The following JAK1 variants were observed in gnomAD, a reference collection of about 807,000 sequenced individuals.
The protein encoded by JAK1 is Janus kinase 1, also known as tyrosine-protein kinase JAK1.
JAK1 carries 16 observed loss-of-function variants against 136.6 expected under a neutral mutation model. The ratio of observed to expected loss-of-function variants is 0.12; its 90% CI spans 0.08 to 0.18. The LOEUF (loss-of-function observed/expected upper bound fraction) is 0.18, where lower values mean the gene tolerates loss of function less well. Ranked by LOEUF, JAK1 falls within the 10% of genes least tolerant of loss-of-function variation. The pLI, the probability that JAK1 is intolerant of heterozygous loss-of-function variation, is 1.00. For missense variants in JAK1, 859 were observed against 1,450.1 expected (o/e 0.59, Z 6.62); for synonymous variants, 492 against 519.5 (o/e 0.95, Z 0.72).
upstream of JAK1, among the ~76,000 whole-genome samples, chr1:64,969,975 A>C (rs1646435572): frequency 6.6e-6 from 1 of 151,836 alleles, no homozygotes; most frequent in South Asian, 2.1e-4. Context: ...GTATCTACAA[A>C]AAATACAAAA....
intron 13 of JAK1, 142 bp from the exon 14 acceptor site, chr1:64,846,878 C>A: frequency 7.8e-6 from 5 of 642,528 alleles, no homozygotes; most frequent in East Asian, 2.7e-5. Context: ...AATCCTCTGG[C>A]CTTGGCTGTC....
intron 1 of JAK1, among the ~76,000 whole-genome samples, chr1:64,958,385 G>A (rs1290493235): frequency 1.3e-5 from 2 of 152,174 alleles, no homozygotes; most frequent in African/African-American, 4.8e-5. Context: ...AAGATAACCC[G>A]TATACTGTGA....
At chr1:64,949,893 A>G (rs1465439471) in intron 1 of JAK1, among the ~76,000 whole-genome samples, 1 of 152,246 alleles carries the variant, frequency 6.6e-6, no homozygotes, top group East Asian at 1.9e-4. Flanking sequence ...AGCTTATTCT[A>G]TCATAGATTA....
At chr1:64,976,160 G>A (rs1445963993) in intron 2 of JAK1, among the ~76,000 whole-genome samples, 1 of 152,120 alleles carries the variant, frequency 6.6e-6, no homozygotes, top group East Asian at 1.9e-4. Context: ...GCCATATAGA[G>A]GTCTCTGATT....
intron 1 of JAK1, among the ~76,000 whole-genome samples, chr1:64,948,703 T>C (rs1646030106): frequency 1.3e-5 from 2 of 152,204 alleles, no homozygotes; most frequent in South Asian, 4.1e-4. Flanking sequence ...GAAGACTCTA[T>C]TTTTTGTGGA....
chr1:64,850,748 C>T, intron 12 of JAK1, 56 bp downstream of exon 12: 1 of 1,160,442 alleles, frequency 8.6e-7, no homozygotes. Flanking sequence ...CCCCAAGCTG[C>T]TCCATCGTGG....
At chr1:65,049,438 C>CA (rs1449542091) in intron 1 of JAK1, among the ~76,000 whole-genome samples, 1 of 151,954 alleles carries the variant, frequency 6.6e-6, no homozygotes, top group African/African-American at 2.4e-5. Context: ...ACAACAATGA[C>CA]AAAAAACACA....
chr1:64,861,457 T>C (rs1008847305), intron 8 of JAK1, among the ~76,000 whole-genome samples: 35 of 152,116 alleles, frequency 2.3e-4, no homozygotes, highest in African/African-American at 8.5e-4. Flanking sequence ...TGATCATTGA[T>C]CCCTGAAGAG....
At chr1:64,974,316 TTAAGG>T (rs1646479766) in intron 2 of JAK1, 1 of 152,216 alleles carries the variant, frequency 6.6e-6, no homozygotes, top group African/African-American at 2.4e-5. Context: ...AGATGAGTAG[TTAAGG>T]TAACTTTGGA....
intron 1 of JAK1, among the ~76,000 whole-genome samples, chr1:64,962,161 G>A (rs1254337153): frequency 1.3e-5 from 2 of 152,136 alleles, no homozygotes; most frequent in African/African-American, 4.8e-5. Flanking sequence ...AATTCCACAC[G>A]AGGACAGATT....
At chr1:64,963,493 C>G (rs1439853159) in intron 1 of JAK1, among the ~76,000 whole-genome samples, 2 of 151,998 alleles carry the variant, frequency 1.3e-5, no homozygotes, top group African/African-American at 4.8e-5. Context: ...AAATGAATAA[C>G]AAAGAATTCG....
chr1:64,879,108 G>C lies in JAK1; in HGVS notation c.246C>G (p.Asp82Glu), dbSNP rs374624103. The stretch of plus-strand genomic sequence containing the variant: ...GAGCATACCAGAGCTTGGTGTTCTC[G>C]TCATACAGGGCAAAGAGGTTGTGAC... ...PLCHNLFALYDENTKLWYAPN... is the reference protein window; with the variant it reads ...PLCHNLFALYEENTKLWYAPN... The change falls in exon 4 of 25, where the codon GAC becomes GAG. Residue 82 changes from aspartate to glutamate, a missense_variant. By Grantham distance (45) the Asp-to-Glu change is conservative. Coordinates refer to ENST00000342505, the MANE Select transcript of JAK1 (RefSeq NM_002227.4). The C allele has an allele frequency of 1.2e-6, 2 of 1,613,818 alleles. No homozygotes were observed. The highest frequency in any genetic ancestry group is 1.7e-6 in the Non-Finnish European group (2 of 1,179,858).
chr1:64,878,273 A>G (rs1164041529), intron 4 of JAK1, among the ~76,000 whole-genome samples: 1 of 152,182 alleles, frequency 6.6e-6, no homozygotes, highest in East Asian at 1.9e-4. Context: ...TACTGAACAA[A>G]TATGTTTACA....
intron 1 of JAK1, among the ~76,000 whole-genome samples, chr1:65,048,865 GAGGA>G (rs1208201681): frequency 6.6e-6 from 1 of 152,074 alleles, no homozygotes; most frequent in African/African-American, 2.4e-5. Flanking sequence ...GCAGCTGTAC[GAGGA>G]AGGGTTTCTT....
chr1:64,911,763 A>G (rs1475049751), intron 1 of JAK1, among the ~76,000 whole-genome samples: 1 of 152,204 alleles, frequency 6.6e-6, no homozygotes, highest in East Asian at 1.9e-4. Context: ...TCTACCTTTC[A>G]GTTTTAAATC....
chr1:65,022,817 T>C (rs485273), intron 2 of JAK1, among the ~76,000 whole-genome samples: 34,782 of 152,044 alleles, frequency 0.23, 5,133 homozygotes, highest in East Asian at 0.39. Context: ...GGGCTTTCAA[T>C]GTGTATATCA....
intron 2 of JAK1, among the ~76,000 whole-genome samples, chr1:65,026,044 G>A (rs1442113862): frequency 2.0e-5 from 3 of 152,116 alleles, no homozygotes. Flanking sequence ...ATCATAGGTT[G>A]GTTCTAGAAA....
At chr1:64,836,426 C>A (rs1057371245) in intron 22 of JAK1, among the ~76,000 whole-genome samples, 3 of 152,040 alleles carry the variant, frequency 2.0e-5, no homozygotes, top group Non-Finnish European at 4.4e-5. Context: ...CTCGGTAGCA[C>A]GTATCTGCCC....
intron 2 of JAK1, among the ~76,000 whole-genome samples, chr1:65,006,361 C>CT: frequency 6.6e-6 from 1 of 152,030 alleles, no homozygotes; most frequent in Non-Finnish European, 1.5e-5. Flanking sequence ...ATTGTTTCTT[C>CT]TTTTTTATTT....
Sources: gnomAD v4.1 joint callset for allele counts (sites outside exome capture counted in the v4.1 genomes callset) on GRCh38, gnomAD v4.1.1 for gene constraint, MANE v1.5 for transcripts, NCBI Gene and HGNC (gene_info 2026-07-23, HGNC 2026-07-21) for gene names.